The following NTM variants were observed in gnomAD, a reference collection of about 807,000 sequenced individuals.
NTM encodes the protein IgLON family member 2.
Under a neutral mutation model 42.1 loss-of-function variants are expected in NTM, and 13 were observed. The ratio of observed to expected loss-of-function variants is 0.31; its 90% CI spans 0.20 to 0.49. The LOEUF (loss-of-function observed/expected upper bound fraction) is 0.49, where lower values mean the gene tolerates loss of function less well. Among genes scored for constraint, NTM ranks in the 20% least tolerant of loss-of-function variants. NTM has a pLI of 0.99. For synonymous variants in NTM, 187 were observed against 179.2 expected (o/e 1.04, Z -0.35); for missense variants, 373 against 452.8 (o/e 0.82, Z 1.60).
intron 1 of NTM, among the ~76,000 whole-genome samples, chr11:131,647,292 G>T (rs1592352324): frequency 6.6e-6 from 1 of 152,186 alleles, no homozygotes; most frequent in Non-Finnish European, 1.5e-5. Flanking sequence ...CTTGAAAGTC[G>T]CACCATCAAG....
chr11:132,196,207 T>G (rs1409926046), intron 3 of NTM, among the ~76,000 whole-genome samples: 1 of 152,098 alleles, frequency 6.6e-6, no homozygotes, highest in East Asian at 1.9e-4. Flanking sequence ...AAGCTCATGA[T>G]CGCTAATTGT....
chr11:131,548,245 G>C (rs893179087), intron 1 of NTM, among the ~76,000 whole-genome samples: 3 of 151,768 alleles, frequency 2.0e-5, no homozygotes, highest in African/African-American at 7.3e-5. Flanking sequence ...TTTCCCTTTG[G>C]CCACAAGCAT....
chr11:132,162,781 CTGTGTG>C (rs112701696), intron 3 of NTM, among the ~76,000 whole-genome samples: 4 of 143,506 alleles, frequency 2.8e-5, no homozygotes, highest in Admixed American at 2.1e-4. Flanking sequence ...TTTGTGGGAC[CTGTGTG>C]TGTGTGTGTG....
In NTM at chr11:131,819,253, C is replaced by T. The variant is rs7949246; in HGVS notation, c.83-92311C>T. ...TCAAAGCTTCTCAACTTTGGCTGCA[C>T]ATATCTAGGGACCCGAGGGAGCATG... On this transcript the variant is annotated intron_variant, in intron 1 of 8. Transcript: ENST00000683400. Among the ~76,000 whole-genome samples the T allele has an allele frequency of 9.4e-3, 1,424 of 152,256 alleles. 18 individuals carry two copies. Among genetic ancestry groups the T allele is most frequent in the African/African-American group, 0.033 (1,355 of 41,550 alleles).
chr11:131,515,194 C>G (rs891058345), intron 1 of NTM, among the ~76,000 whole-genome samples: 6 of 152,188 alleles, frequency 3.9e-5, no homozygotes, highest in African/African-American at 4.8e-5. Context: ...GGATTATAGG[C>G]ATGAGCCACT....
At chr11:131,694,458 G>A (rs1249115192) in intron 1 of NTM, among the ~76,000 whole-genome samples, 1 of 152,236 alleles carries the variant, frequency 6.6e-6, no homozygotes, top group East Asian at 1.9e-4. Flanking sequence ...CTGTGACAGA[G>A]TGGGAAGCAG....
chr11:131,541,250 G>A (rs73574291), intron 1 of NTM, among the ~76,000 whole-genome samples: 3,860 of 152,194 alleles, frequency 0.025, 178 homozygotes, highest in African/African-American at 0.085. Flanking sequence ...CTCGCCTTCC[G>A]CCATGTAATG....
chr11:131,713,767 CT>C (rs1258848924), intron 1 of NTM, among the ~76,000 whole-genome samples: 1 of 152,160 alleles, frequency 6.6e-6, no homozygotes, highest in Non-Finnish European at 1.5e-5. Flanking sequence ...AGAAGAAAGA[CT>C]TAGACTGAGG....
chr11:132,095,820 C>A (rs1164244832), intron 2 of NTM, among the ~76,000 whole-genome samples: 1 of 152,188 alleles, frequency 6.6e-6, no homozygotes, highest in Non-Finnish European at 1.5e-5. Context: ...TTCAAAACTG[C>A]CCAGAGCAGA....
chr11:131,828,892 G>A (rs1333898778), intron 1 of NTM, among the ~76,000 whole-genome samples: 1 of 152,038 alleles, frequency 6.6e-6, no homozygotes, highest in Non-Finnish European at 1.5e-5. Flanking sequence ...TAGTAAAAAT[G>A]TTCCTTTTAG....
intron 8 of NTM, 116 bp downstream of exon 8, chr11:132,330,301 A>G: frequency 3.5e-6 from 4 of 1,155,888 alleles, no homozygotes; most frequent in South Asian, 1.5e-5. Flanking sequence ...GCGCAGAGGG[A>G]ACCCTCCCCC....
chr11:131,431,508 C>CT (rs1948646105), intron 1 of NTM, among the ~76,000 whole-genome samples: 1 of 152,190 alleles, frequency 6.6e-6, no homozygotes, highest in Non-Finnish European at 1.5e-5. Context: ...CTCTGCATCT[C>CT]AGGTTAAGAG....
At chr11:131,957,278 T>C (rs919639156) in intron 2 of NTM, among the ~76,000 whole-genome samples, 1 of 152,228 alleles carries the variant, frequency 6.6e-6, no homozygotes, top group African/African-American at 2.4e-5. Context: ...AGTGTGATTA[T>C]TGCTTTTATA....
chr11:131,638,811 TG>T (rs2064766728), intron 1 of NTM, among the ~76,000 whole-genome samples: 1 of 152,120 alleles, frequency 6.6e-6, no homozygotes, highest in African/African-American at 2.4e-5. Flanking sequence ...TGGTTTGTTT[TG>T]TTTTTTTAAT....
chr11:131,464,363 G>GGC (rs907189559), intron 1 of NTM, among the ~76,000 whole-genome samples: 3 of 152,018 alleles, frequency 2.0e-5, no homozygotes, highest in African/African-American at 7.2e-5. Flanking sequence ...GAAAGCTGGG[G>GGC]GGGGGGCAGC....
intron 3 of NTM, among the ~76,000 whole-genome samples, chr11:132,187,781 G>A (rs1279282830): frequency 6.6e-6 from 1 of 152,130 alleles, no homozygotes; most frequent in Non-Finnish European, 1.5e-5. Flanking sequence ...AGGGTATGTG[G>A]CGCCTCTGTA....
intron 1 of NTM, among the ~76,000 whole-genome samples, chr11:131,628,812 C>T (rs551663974): frequency 2.6e-5 from 4 of 152,288 alleles, no homozygotes; most frequent in Admixed American, 6.5e-5. Flanking sequence ...TTTTAAAGAC[C>T]GAAAGGGGGC....
intron 3 of NTM, among the ~76,000 whole-genome samples, chr11:132,159,034 C>T (rs1040806126): frequency 1.3e-5 from 2 of 152,112 alleles, no homozygotes; most frequent in African/African-American, 4.8e-5. Context: ...AAGGGTTGAA[C>T]AGGGAAATTA....
intron 1 of NTM, chr11:131,536,632 T>C (rs1043247187): frequency 1.3e-5 from 2 of 152,208 alleles, no homozygotes; most frequent in Non-Finnish European, 2.9e-5. Context: ...CTGCTACTCA[T>C]CCATCAATCT....
Sources: allele counts gnomAD v4.1 joint callset (sites outside exome capture counted in the v4.1 genomes callset), GRCh38; gene constraint gnomAD v4.1.1; transcripts MANE v1.5; gene names NCBI Gene and HGNC (gene_info 2026-07-23, HGNC 2026-07-21).